The following SPOPL variants were observed in gnomAD, a reference collection of about 807,000 sequenced individuals.
The protein encoded by SPOPL is speckle type BTB/POZ protein like, also known as speckle-type POZ protein-like.
In SPOPL, 23 loss-of-function variants were observed where a neutral mutation model predicts 53.8. The ratio of observed to expected loss-of-function variants is 0.43; its 90% CI spans 0.31 to 0.61. SPOPL has a LOEUF of 0.61. Ranked by LOEUF, SPOPL falls within the 20% of genes least tolerant of loss-of-function variation. The pLI, the probability that SPOPL is intolerant of heterozygous loss-of-function variation, is 0.12. For synonymous variants in SPOPL, 164 were observed against 149.7 expected, an observed-to-expected ratio of 1.10 and a Z score of -0.70; for missense variants, 442 against 466.9, an observed-to-expected ratio of 0.95 and a Z score of 0.49.
At chr2:138,555,274 G>A (rs1685400058) in intron 5 of SPOPL, among the ~76,000 whole-genome samples, 1 of 152,058 alleles carries the variant, frequency 6.6e-6, no homozygotes, top group South Asian at 2.1e-4. Context: ...GGTCTCACCT[G>A]TCAACATTGT....
rs1558886566 is a variant in SPOPL at position 138,573,075 on chromosome 2, A to T, written c.*3995A>T. On this transcript the variant is annotated 3_prime_UTR_variant, in exon 11 of 11. Transcript: ENST00000280098. Reference sequence around the variant, plus strand: ...GTTCTTGGGGAAATTGATTTTCAAGATTCAAGTGTATAAAAACTTATATTG... The same window carrying T: ...GTTCTTGGGGAAATTGATTTTCAAGTTTCAAGTGTATAAAAACTTATATTG... 1 of 152,174 alleles carries T rather than the reference A, an allele frequency of 6.6e-6. No homozygotes were observed. Among genetic ancestry groups the T allele is most frequent in the Non-Finnish European group, 1.5e-5 (1 of 68,018 alleles). 9.4% of individuals were successfully genotyped at this position (152,174 alleles called of 1,614,324 possible).
At position 138,571,712 on chromosome 2, in the gene SPOPL, C is replaced by G. The variant is rs571611322; in HGVS notation, c.*2632C>G. On this transcript the variant is annotated 3_prime_UTR_variant, in exon 11 of 11. Coordinates refer to ENST00000280098, the MANE Select transcript of SPOPL (RefSeq NM_001001664.3). ...TCTGTCCCGCCTTTTGAGCTATTAG[C>G]CTGTTCCTGTTTCCCTTTGTCACCT... 6.6e-6 allele frequency: 1 copy of G among 152,622 alleles called. No homozygotes were observed. Among genetic ancestry groups the G allele is most frequent in the South Asian group, 2.1e-4 (1 of 4,826 alleles). 9.5% of individuals were successfully genotyped at this position (152,622 alleles called of 1,614,324 possible).
At chr2:138,518,962 A>G (rs1684501933) in intron 1 of SPOPL, among the ~76,000 whole-genome samples, 2 of 152,204 alleles carry the variant, frequency 1.3e-5, no homozygotes, top group Non-Finnish European at 2.9e-5. Flanking sequence ...AGTGCTTTCT[A>G]TTTACCGGAC....
chr2:138,506,271 AAC>A (rs1684214513), intron 1 of SPOPL, among the ~76,000 whole-genome samples: 1 of 152,236 alleles, frequency 6.6e-6, no homozygotes, highest in South Asian at 2.1e-4. Context: ...GGTATTTAGT[AAC>A]ACACAATAAG....
intron 1 of SPOPL, among the ~76,000 whole-genome samples, chr2:138,515,663 G>A (rs746959840): frequency 3.3e-5 from 5 of 152,022 alleles, no homozygotes; most frequent in Non-Finnish European, 7.4e-5. Context: ...CTTAATCATT[G>A]TAGATTATGT....
chr2:138,571,414 G>A lies in SPOPL; in HGVS notation c.*2334G>A, dbSNP rs2104912222. ...TAAAGATTTTTTTTTTAGTTTGGTA[G>A]CACATTTTGTACCAAAAATGTCAAA... On this transcript the variant is annotated 3_prime_UTR_variant, in exon 11 of 11. Transcript: ENST00000280098. 6.6e-6 allele frequency: 1 copy of A among 152,314 alleles called. No individual in the cohort carries two copies. The highest frequency in any genetic ancestry group is 1.9e-4 in the East Asian group (1 of 5,172). 9.4% of individuals were successfully genotyped at this position (152,314 alleles called of 1,614,324 possible). A position where few individuals can be genotyped will look rare whatever the true frequency, so the allele number is the denominator to read the frequency against.
intron 1 of SPOPL, among the ~76,000 whole-genome samples, chr2:138,510,098 G>A (rs1298995964): frequency 1.3e-5 from 2 of 152,122 alleles, no homozygotes; most frequent in East Asian, 3.8e-4. Context: ...TTATCTGGAT[G>A]TACCACAGTT....
rs78238900 is a variant in SPOPL, at chr2:138,571,784, A to G, written c.*2704A>G. On this transcript the variant is annotated 3_prime_UTR_variant, in exon 11 of 11. Transcript: ENST00000280098. ...GGTAGTGAATGGTTTCAAATGTTGCATACTATAAGAATAATCATTGGGTAA... is the reference window on the plus strand; with the variant it reads ...GGTAGTGAATGGTTTCAAATGTTGCGTACTATAAGAATAATCATTGGGTAA... 0.039 allele frequency: 5,981 copies of G among 152,720 alleles called. 184 individuals are homozygous for G. Among genetic ancestry groups the G allele is most frequent in the Non-Finnish European group, 0.063 (4,316 of 68,004 alleles). The allele number at this position is 152,720 out of a possible 1,614,324, so 9.5% of individuals were successfully genotyped here.
intron 1 of SPOPL, among the ~76,000 whole-genome samples, chr2:138,522,368 A>C (rs552630095): frequency 6.6e-6 from 1 of 152,294 alleles, no homozygotes; most frequent in East Asian, 1.9e-4. Flanking sequence ...GAGAGCTCAC[A>C]CTACAGAATA....
intron 1 of SPOPL, among the ~76,000 whole-genome samples, chr2:138,545,441 T>G (rs985232071): frequency 7.0e-6 from 1 of 143,054 alleles, no homozygotes; most frequent in East Asian, 2.0e-4. Context: ...TTTGTTTTTG[T>G]TTTTTTTTTT....
intron 1 of SPOPL, among the ~76,000 whole-genome samples, chr2:138,520,024 A>G (rs1331115817): frequency 2.0e-5 from 3 of 152,196 alleles, no homozygotes; most frequent in Non-Finnish European, 4.4e-5. Context: ...ATTAAAATGC[A>G]GTGTTGGTGC....
intron 1 of SPOPL, among the ~76,000 whole-genome samples, chr2:138,509,064 C>T (rs1288319905): frequency 1.3e-5 from 2 of 151,842 alleles, no homozygotes; most frequent in African/African-American, 4.9e-5. Flanking sequence ...TAGGTAAAAG[C>T]TAGCAGATTA....
intron 1 of SPOPL, among the ~76,000 whole-genome samples, chr2:138,509,340 T>G (rs967338724): frequency 1.2e-4 from 18 of 152,206 alleles, no homozygotes; most frequent in African/African-American, 4.3e-4. Flanking sequence ...GAGGTGTTTT[T>G]ATTTTCTGCA....
At chr2:138,554,243 A>G (rs193242310) in intron 5 of SPOPL, among the ~76,000 whole-genome samples, 3 of 152,212 alleles carry the variant, frequency 2.0e-5, no homozygotes, top group Admixed American at 6.5e-5. Context: ...ACAAAACCCA[A>G]CATGACATAT....
intron 1 of SPOPL, among the ~76,000 whole-genome samples, chr2:138,516,261 AGTTGTGATGTATTGTGG>A (rs2104859988): frequency 6.6e-6 from 1 of 152,272 alleles, no homozygotes; most frequent in African/African-American, 2.4e-5. Flanking sequence ...GCGTCTTTGA[AGTTGTGATGTATTGTGG>A]GTTTGAGGTT....
At chr2:138,534,737 G>C (rs565628293) in intron 1 of SPOPL, among the ~76,000 whole-genome samples, 31 of 152,196 alleles carry the variant, frequency 2.0e-4, no homozygotes, top group African/African-American at 7.2e-4. Context: ...CAGTCCCAGA[G>C]GAAACTCCAT....
intron 1 of SPOPL, among the ~76,000 whole-genome samples, chr2:138,511,509 A>G (rs1447739266): frequency 1.3e-5 from 2 of 152,200 alleles, no homozygotes; most frequent in Admixed American, 6.5e-5. Context: ...AGTACTTAAG[A>G]CATTTTATCT....
chr2:138,563,272 G>T lies in SPOPL; in HGVS notation c.838-1436G>T, dbSNP rs928870058. Among the ~76,000 whole-genome samples the T allele has an allele frequency of 1.9e-4, 29 of 152,260 alleles. 1 individual carries two copies. Among genetic ancestry groups the T allele is most frequent in the Middle Eastern group, 3.4e-3 (1 of 294 alleles). ...GCTGGAATATCACTTGAGCCCAGGG[G>T]TTTGAAACCAGCCTATGCAACATAG... On this transcript the variant is annotated intron_variant, in intron 8 of 10. Transcript: ENST00000280098.
At position 138,560,610 on chromosome 2, in the gene SPOPL, T is replaced by G. The variant is rs139647959; in HGVS notation, c.715-195T>G. On this transcript the variant is annotated intron_variant, in intron 7 of 10. Transcript: ENST00000280098. ...TCCTCTTGGACTTGTCCACTTCACT[T>G]TGCCGAAGTACTTAATGAAGTTTAC... Among the ~76,000 whole-genome samples, 233 of 152,190 alleles carry G rather than the reference T, an allele frequency of 1.5e-3. 1 individual carries two copies. Among genetic ancestry groups the G allele is most frequent in the African/African-American group, 5.2e-3 (217 of 41,552 alleles).
Sources: allele counts gnomAD v4.1 joint callset (sites outside exome capture counted in the v4.1 genomes callset), GRCh38; gene constraint gnomAD v4.1.1; transcripts MANE v1.5; gene names NCBI Gene and HGNC (gene_info 2026-07-23, HGNC 2026-07-21).